The following CDH13 variants were observed in gnomAD, a reference collection of about 807,000 sequenced individuals.
CDH13 encodes the protein cadherin-13.
Under a neutral mutation model 63.8 loss-of-function variants are expected in CDH13, and 24 were observed. The ratio of observed to expected loss-of-function variants is 0.38; its 90% CI spans 0.27 to 0.53. CDH13 has a LOEUF of 0.53. Ranked by LOEUF, CDH13 falls within the 20% of genes least tolerant of loss-of-function variation. The pLI, the probability that CDH13 is intolerant of heterozygous loss-of-function variation, is 0.85. For missense variants in CDH13, 1,049 were observed against 903.1 expected (o/e 1.16, Z -2.07); for synonymous variants, 503 against 355.3 (o/e 1.42, Z -4.67).
At chr16:83,258,919 A>C (rs539740174) in intron 5 of CDH13, among the ~76,000 whole-genome samples, 1 of 152,248 alleles carries the variant, frequency 6.6e-6, no homozygotes, top group East Asian at 1.9e-4. Flanking sequence ...CTCTCCTTCC[A>C]CCTTTGAAGA....
chr16:83,423,386 G>A (rs2071775614), intron 6 of CDH13, among the ~76,000 whole-genome samples: 1 of 151,984 alleles, frequency 6.6e-6, no homozygotes, highest in Non-Finnish European at 1.5e-5. Flanking sequence ...CTCTTTCAAT[G>A]GCATCACCAT....
At chr16:83,307,497 T>A (rs1482863656) in intron 5 of CDH13, among the ~76,000 whole-genome samples, 3 of 152,180 alleles carry the variant, frequency 2.0e-5, no homozygotes, top group African/African-American at 7.2e-5. Context: ...GAAGTAGCTC[T>A]CACCTCACAT....
intron 6 of CDH13, among the ~76,000 whole-genome samples, chr16:83,402,005 A>G (rs1426449804): frequency 6.6e-6 from 1 of 152,190 alleles, no homozygotes; most frequent in Non-Finnish European, 1.5e-5. Flanking sequence ...TTTCAAAAGA[A>G]AAGAAATGTT....
At chr16:83,048,429 C>T (rs890368111) in intron 3 of CDH13, among the ~76,000 whole-genome samples, 1 of 152,226 alleles carries the variant, frequency 6.6e-6, no homozygotes, top group East Asian at 1.9e-4. Flanking sequence ...CCAACTCCCT[C>T]TCTGCAGGTT....
intron 13 of CDH13, among the ~76,000 whole-genome samples, chr16:83,791,406 G>A (rs906395950): frequency 3.9e-5 from 6 of 152,086 alleles, no homozygotes; most frequent in African/African-American, 1.4e-4. Context: ...TGAGGCAGGA[G>A]AATCGAGTGA....
intron 7 of CDH13, among the ~76,000 whole-genome samples, chr16:83,559,738 A>G (rs930571350): frequency 2.0e-5 from 3 of 152,100 alleles, no homozygotes; most frequent in Non-Finnish European, 4.4e-5. Flanking sequence ...TTTCCAGATA[A>G]CAAGCACAGA....
At chr16:82,944,414 T>C (rs1382872690) in intron 2 of CDH13, among the ~76,000 whole-genome samples, 1 of 152,160 alleles carries the variant, frequency 6.6e-6, no homozygotes, top group African/African-American at 2.4e-5. Context: ...ACAGAGAAGT[T>C]GGTCAGGAAG....
chr16:83,278,098 G>T (rs752745518), intron 5 of CDH13, among the ~76,000 whole-genome samples: 1 of 152,058 alleles, frequency 6.6e-6, no homozygotes, highest in Non-Finnish European at 1.5e-5. Context: ...GGAATCAGGC[G>T]CTAAGTATTG....
At chr16:82,709,800 G>C (rs1343265702) in intron 1 of CDH13, among the ~76,000 whole-genome samples, 2 of 152,110 alleles carry the variant, frequency 1.3e-5, no homozygotes, top group Non-Finnish European at 2.9e-5. Flanking sequence ...GGCAGAGAGA[G>C]AAGAGGTAGA....
intron 6 of CDH13, among the ~76,000 whole-genome samples, chr16:83,407,133 C>T (rs539551156): frequency 6.6e-6 from 1 of 152,184 alleles, no homozygotes; most frequent in African/African-American, 2.4e-5. Context: ...CCTCTGGGAG[C>T]AGGAAGACTG....
intron 2 of CDH13, among the ~76,000 whole-genome samples, chr16:82,990,898 T>TA (rs1911579604): frequency 6.6e-6 from 1 of 152,170 alleles, no homozygotes; most frequent in Non-Finnish European, 1.5e-5. Context: ...GGCTCATACA[T>TA]ATGTTGACTC....
chr16:83,771,508 C>T (rs983068041), intron 11 of CDH13, among the ~76,000 whole-genome samples: 3 of 152,286 alleles, frequency 2.0e-5, no homozygotes, highest in Admixed American at 6.5e-5. Flanking sequence ...CCAGGAAGAC[C>T]GTGGCAGGGT....
chr16:83,207,061 T>C (rs1313005444), intron 4 of CDH13, among the ~76,000 whole-genome samples: 3 of 152,228 alleles, frequency 2.0e-5, no homozygotes, highest in African/African-American at 7.2e-5. Context: ...CTAGAAAAGA[T>C]AGATAAATAT....
intron 5 of CDH13, among the ~76,000 whole-genome samples, chr16:83,225,487 C>A (rs775404080): frequency 1.3e-5 from 2 of 152,108 alleles, no homozygotes; most frequent in Non-Finnish European, 2.9e-5. Flanking sequence ...CATGTTACTG[C>A]GTGTTTGCTT....
At chr16:83,490,907 G>A (rs1415924374) in intron 7 of CDH13, among the ~76,000 whole-genome samples, 2 of 152,158 alleles carry the variant, frequency 1.3e-5, no homozygotes, top group South Asian at 4.1e-4. Flanking sequence ...GGAAGAAAGG[G>A]ACCTTGGATT....
intron 10 of CDH13, among the ~76,000 whole-genome samples, chr16:83,732,548 T>C (rs1175039335): frequency 6.6e-6 from 1 of 152,204 alleles, no homozygotes; most frequent in Non-Finnish European, 1.5e-5. Context: ...ACCCGGAAAC[T>C]GTAGTAGGGT....
intron 1 of CDH13, among the ~76,000 whole-genome samples, chr16:82,840,697 A>AAAAG (rs1555527859): frequency 2.1e-4 from 32 of 151,994 alleles, no homozygotes; most frequent in Middle Eastern, 3.4e-3. Context: ...AAAAAAAAAA[A>AAAAG]AAAAAGAAAA....
rs185260572 is a variant in CDH13, at chr16:83,553,038, C to T, written c.961-49416C>T. Among the ~76,000 whole-genome samples the T allele has an allele frequency of 4.8e-3, 720 of 149,852 alleles. 8 individuals are homozygous for T. Among genetic ancestry groups the T allele is most frequent in the Non-Finnish European group, 7.5e-3 (508 of 67,808 alleles). On this transcript the variant is annotated intron_variant, in intron 7 of 13. Transcript: ENST00000567109. ...AGGTTGCAGTGAGCTGAGATCGCGTCACTGCACCGTAGCCTGGGCGACAGA... is the reference window on the plus strand; with the variant it reads ...AGGTTGCAGTGAGCTGAGATCGCGTTACTGCACCGTAGCCTGGGCGACAGA...
At chr16:83,151,569 G>A (rs1405118638) in intron 4 of CDH13, among the ~76,000 whole-genome samples, 1 of 152,148 alleles carries the variant, frequency 6.6e-6, no homozygotes, top group Admixed American at 6.5e-5. Context: ...GTTCTAGAGA[G>A]TATTTGCTAA....
Sources: gnomAD v4.1 joint callset for allele counts (sites outside exome capture counted in the v4.1 genomes callset) on GRCh38, gnomAD v4.1.1 for gene constraint, MANE v1.5 for transcripts, NCBI Gene and HGNC (gene_info 2026-07-23, HGNC 2026-07-21) for gene names.